Variants in CNTN6 observed in about 807,000 individuals in gnomAD.
CNTN6 encodes contactin 6.
Under a neutral mutation model 122.8 loss-of-function variants are expected in CNTN6, and 137 were observed. The observed-to-expected ratio is 1.12, with a 90% CI of 0.97 to 1.29. The LOEUF (loss-of-function observed/expected upper bound fraction) is 1.29, where lower values mean the gene tolerates loss of function less well. CNTN6 is among the 50% of genes most tolerant of loss of function. The pLI is 0.00. For synonymous variants in CNTN6, 570 were observed against 426.0 expected (o/e 1.34, Z -4.16); for missense variants, 1,634 against 1,223.4 (o/e 1.34, Z -5.01).
At chr3:1,142,391 T>C (rs2092628798) in intron 1 of CNTN6, among the ~76,000 whole-genome samples, 1 of 152,104 alleles carries the variant, frequency 6.6e-6, no homozygotes, top group African/African-American at 2.4e-5. Flanking sequence ...AGAGGTCGTA[T>C]AAAGGCAGGG....
chr3:1,394,275 A>G lies in CNTN6; in HGVS notation c.2705-7158A>G, dbSNP rs1485779397. The G allele has an allele frequency of 2.8e-5, 6 of 217,818 alleles. No homozygotes were observed. The South Asian group carries it at 2.8e-4, about 10-fold the overall frequency. 13.5% of individuals were successfully genotyped at this position (217,818 alleles called of 1,614,324 possible). On this transcript the variant is annotated intron_variant, in intron 20 of 22. Transcript: ENST00000446702. ...GAACAAGACAGCCAGGAATCAGAGG[A>G]CCAAGATGATAGCAGTGACGGCCCC... is the stretch of plus-strand genomic sequence containing the variant.
intron 1 of CNTN6, among the ~76,000 whole-genome samples, chr3:1,144,149 TG>T (rs2092674773): frequency 1.3e-5 from 2 of 152,314 alleles, no homozygotes; most frequent in East Asian, 3.9e-4. Flanking sequence ...GTGTTACACA[TG>T]GTGTTTATCG....
rs539562015 is a variant in CNTN6 at position 1,277,488 on chromosome 3, A to G, written c.359-925A>G. On this transcript the variant is annotated intron_variant, in intron 4 of 22. Coordinates refer to ENST00000446702, the MANE Select transcript of CNTN6 (RefSeq NM_001289080.2). Reference sequence around the variant, plus strand: ...AATTCTCATGCCTCAGCCTCCTGACATAGCTGGAATTACAGGCGTGTGCCA... The same window carrying G: ...AATTCTCATGCCTCAGCCTCCTGACGTAGCTGGAATTACAGGCGTGTGCCA... Among the ~76,000 whole-genome samples, 4 of 150,090 alleles carry G rather than the reference A, an allele frequency of 2.7e-5. No individual in the cohort carries two copies. The South Asian group carries it at 8.4e-4, about 32-fold the overall frequency.
chr3:1,122,337 CGA>C (rs1250819573), intron 1 of CNTN6, among the ~76,000 whole-genome samples: 2 of 111,748 alleles, frequency 1.8e-5, no homozygotes, highest in Admixed American at 8.8e-5. Flanking sequence ...GAAGGGAGGG[CGA>C]GAGAGAGGGA....
At chr3:1,327,773 G>C (rs1432196005) in intron 10 of CNTN6, among the ~76,000 whole-genome samples, 187 bp downstream of exon 10, 2 of 151,564 alleles carry the variant, frequency 1.3e-5, no homozygotes, top group Admixed American at 6.6e-5. Context: ...CAATGCACTG[G>C]GGCTTCAGAA....
At chr3:1,113,378 C>T (rs887541697) in intron 1 of CNTN6, among the ~76,000 whole-genome samples, 4 of 152,100 alleles carry the variant, frequency 2.6e-5, no homozygotes, top group African/African-American at 9.7e-5. Context: ...TTTCCAGAAT[C>T]ATGACTTATT....
At chr3:1,334,591 G>C (rs545491144) in intron 11 of CNTN6, among the ~76,000 whole-genome samples, 1 of 152,022 alleles carries the variant, frequency 6.6e-6, no homozygotes, top group Non-Finnish European at 1.5e-5. Flanking sequence ...TGATTTGCTT[G>C]GGTGACCAGG....
intron 1 of CNTN6, among the ~76,000 whole-genome samples, chr3:1,099,310 G>C (rs1326532598): frequency 1.2e-4 from 18 of 151,420 alleles, no homozygotes; most frequent in Non-Finnish European, 2.1e-4. Context: ...AATTAGCAGG[G>C]TGTGGTGGCG....
intron 2 of CNTN6, among the ~76,000 whole-genome samples, chr3:1,206,625 C>G (rs947725853): frequency 6.6e-6 from 1 of 152,158 alleles, no homozygotes; most frequent in Non-Finnish European, 1.5e-5. Flanking sequence ...TCTCTAGACC[C>G]TTTTATGAGA....
chr3:1,266,417 C>G (rs2094927120), intron 4 of CNTN6, among the ~76,000 whole-genome samples: 1 of 152,122 alleles, frequency 6.6e-6, no homozygotes, highest in Non-Finnish European at 1.5e-5. Flanking sequence ...TTCTTGCAAA[C>G]CGAAACCAGT....
intron 2 of CNTN6, among the ~76,000 whole-genome samples, chr3:1,173,673 G>A (rs1006221291): frequency 3.3e-5 from 5 of 151,858 alleles, no homozygotes; most frequent in African/African-American, 9.7e-5. Context: ...TTGGCTTGGC[G>A]GTTGACAAAA....
intron 2 of CNTN6, among the ~76,000 whole-genome samples, chr3:1,159,783 G>A (rs113346448): frequency 6.6e-6 from 1 of 151,712 alleles, no homozygotes; most frequent in Non-Finnish European, 1.5e-5. Flanking sequence ...GAAATTTAGA[G>A]TTAATTTATC....
chr3:1,256,884 G>A (rs963586330), intron 4 of CNTN6, among the ~76,000 whole-genome samples: 7 of 151,836 alleles, frequency 4.6e-5, no homozygotes, highest in African/African-American at 1.5e-4. Flanking sequence ...AATTATATCC[G>A]AACAGTAGAT....
In CNTN6 at chr3:1,255,461, C is replaced by T. The variant is rs182462306; in HGVS notation, c.359-22952C>T. 3.7e-4 allele frequency among the ~76,000 whole-genome samples: 55 copies of T among 150,642 alleles called. 1 individual carries two copies. In the East Asian group the frequency reaches 9.8e-3, roughly 27 times the overall value. On this transcript the variant is annotated intron_variant, in intron 4 of 22. Transcript: ENST00000446702. ...AGAAAGAAAGAAAGGAATTGTGGAG[C>T]CTATTGAGGAAAAAAGGGAATGGTG...
chr3:1,165,447 A>C (rs1178250350), intron 2 of CNTN6, among the ~76,000 whole-genome samples: 1 of 152,180 alleles, frequency 6.6e-6, no homozygotes, highest in Non-Finnish European at 1.5e-5. Flanking sequence ...CTGCAGAACC[A>C]GATAGATTCT....
At chr3:1,252,361 A>G (rs543931718) in intron 4 of CNTN6, among the ~76,000 whole-genome samples, 5 of 152,198 alleles carry the variant, frequency 3.3e-5, no homozygotes, top group Admixed American at 2.0e-4. Context: ...TTTTACTACA[A>G]TTGTGATTCC....
chr3:1,171,465 G>T (rs1312024641), intron 2 of CNTN6, among the ~76,000 whole-genome samples: 2 of 152,170 alleles, frequency 1.3e-5, no homozygotes, highest in South Asian at 4.1e-4. Context: ...ATTATTTGCT[G>T]TGTGAGCCTG....
Position 1,352,367 on chromosome 3 carries a change from A to G in CNTN6, c.1408A>G (p.Thr470Ala), listed in dbSNP as rs143910681. Residue 470 changes from threonine (T) to alanine (A), a missense_variant, in exon 12 of 23, where the codon ACC (threonine) becomes GCC (alanine). Transcript: ENST00000446702. ...EDGSLKIYNI[T>A]RSDAGSYTCI... ...TGGCAGCCTCAAGATATATAATATT[A>G]CCAGGTCAGATGCTGGATCATATAC... 1 of 1,585,864 alleles carries G rather than the reference A, an allele frequency of 6.3e-7. No homozygotes were observed. Among genetic ancestry groups the G allele is most frequent in the Non-Finnish European group, 8.6e-7 (1 of 1,163,098 alleles).
chr3:1,217,549 A>G (rs2094145346), intron 2 of CNTN6, among the ~76,000 whole-genome samples: 1 of 152,252 alleles, frequency 6.6e-6, no homozygotes, highest in Non-Finnish European at 1.5e-5. Flanking sequence ...GCCGAGAGAC[A>G]TCAATTCAAA....
Sources: gnomAD v4.1 joint callset for allele counts (sites outside exome capture counted in the v4.1 genomes callset) on GRCh38, gnomAD v4.1.1 for gene constraint, MANE v1.5 for transcripts, NCBI Gene and HGNC (gene_info 2026-07-23, HGNC 2026-07-21) for gene names.